CDK19: variants seen among roughly 807,000 people sequenced by gnomAD.
The protein encoded by CDK19 is cyclin-dependent kinase 19.
In CDK19, 20 loss-of-function variants were observed where a neutral mutation model predicts 68.3. That is an observed-to-expected ratio of 0.29 (90% CI 0.21 to 0.43). The LOEUF is 0.43. Among genes scored for constraint, CDK19 ranks in the 20% least tolerant of loss-of-function variants. CDK19 has a pLI of 1.00. For missense variants in CDK19, 339 were observed against 623.5 expected (o/e 0.54, Z 4.86); for synonymous variants, 221 against 222.8 (o/e 0.99, Z 0.07).
intron 4 of CDK19, among the ~76,000 whole-genome samples, chr6:110,641,000 G>A (rs140577636): frequency 2.0e-5 from 3 of 152,142 alleles, no homozygotes; most frequent in Non-Finnish European, 4.4e-5. Context: ...AATGTGAAAT[G>A]CCTAAGTCAT....
At chr6:110,626,682 GGAGA>G in intron 8 of CDK19, 90 bp downstream of exon 8, 1 of 760,748 alleles carries the variant, frequency 1.3e-6, no homozygotes, top group Non-Finnish European at 2.1e-6. Flanking sequence ...TCAAGGACTG[GGAGA>G]AAACAAATTC....
At chr6:110,752,502 GATA>G (rs1778540423) in intron 1 of CDK19, among the ~76,000 whole-genome samples, 1 of 152,112 alleles carries the variant, frequency 6.6e-6, no homozygotes, top group Non-Finnish European at 1.5e-5. Context: ...AATGATGTCA[GATA>G]ATACTAGCAC....
chr6:110,626,347 T>G lies in CDK19; in HGVS notation c.860+429A>C, dbSNP rs115920684. ...AATCTACATCTGTTTTTTAAAAAGATTAATTTAACTATTCTCATTGAAATT... is the reference window on the plus strand; with the variant it reads ...AATCTACATCTGTTTTTTAAAAAGAGTAATTTAACTATTCTCATTGAAATT... On this transcript the variant is annotated intron_variant, in intron 8 of 12. Coordinates refer to ENST00000368911, the MANE Select transcript of CDK19 (RefSeq NM_015076.5). Among the ~76,000 whole-genome samples the G allele has an allele frequency of 7.6e-3, 1,155 of 152,316 alleles. 14 individuals carry two copies. The highest frequency in any genetic ancestry group is 0.027 in the African/African-American group (1,103 of 41,562).
chr6:110,776,576 C>T (rs1227282318), intron 1 of CDK19, among the ~76,000 whole-genome samples: 1 of 152,166 alleles, frequency 6.6e-6, no homozygotes, highest in Non-Finnish European at 1.5e-5. Flanking sequence ...AAATGGCAGC[C>T]AGAAGAGCAC....
intron 4 of CDK19, among the ~76,000 whole-genome samples, chr6:110,662,447 G>A (rs185312113): frequency 6.6e-6 from 1 of 152,158 alleles, no homozygotes; most frequent in Admixed American, 6.5e-5. Flanking sequence ...GCAAGATTCT[G>A]AAATGAAGGA....
At chr6:110,627,602 C>T (rs772227884) in intron 6 of CDK19, among the ~76,000 whole-genome samples, 11 of 152,100 alleles carry the variant, frequency 7.2e-5, no homozygotes, top group Non-Finnish European at 1.5e-4. Context: ...CCTTGACCTC[C>T]TGGGCTCAAG....
intron 10 of CDK19, among the ~76,000 whole-genome samples, chr6:110,622,394 A>G (rs1234065086): frequency 6.6e-6 from 1 of 152,196 alleles, no homozygotes; most frequent in African/African-American, 2.4e-5. Context: ...TTGCCTTAAC[A>G]AGAAAAACTA....
intron 1 of CDK19, among the ~76,000 whole-genome samples, chr6:110,787,739 G>A (rs79695698): frequency 0.021 from 3,159 of 152,290 alleles, 94 homozygotes; most frequent in African/African-American, 0.073. Context: ...CATGACACCT[G>A]GCAGGTTTTG....
At chr6:110,745,376 T>A (rs531739908) in intron 2 of CDK19, among the ~76,000 whole-genome samples, 1 of 152,274 alleles carries the variant, frequency 6.6e-6, no homozygotes, top group South Asian at 2.1e-4. Flanking sequence ...AACTATTTTC[T>A]TTAAGGGATT....
intron 1 of CDK19, among the ~76,000 whole-genome samples, chr6:110,771,183 C>G (rs563131939): frequency 6.6e-6 from 1 of 152,236 alleles, no homozygotes; most frequent in Non-Finnish European, 1.5e-5. Flanking sequence ...TCCAACCCCA[C>G]ATTTCCCTTC....
chr6:110,692,144 A>C (rs1358384721), intron 2 of CDK19, among the ~76,000 whole-genome samples: 25 of 151,634 alleles, frequency 1.6e-4, no homozygotes, highest in Non-Finnish European at 5.9e-5. Context: ...AAATACAAAA[A>C]TTAGCTGGGC....
intron 4 of CDK19, among the ~76,000 whole-genome samples, chr6:110,648,391 T>C (rs1780743483): frequency 6.6e-6 from 1 of 152,140 alleles, no homozygotes; most frequent in Non-Finnish European, 1.5e-5. Flanking sequence ...ACTGTTTTTC[T>C]ATATACCAGG....
At chr6:110,706,401 G>GTTTTTTTT (rs71021807) in intron 2 of CDK19, 1 of 61,766 alleles carries the variant, frequency 1.6e-5, no homozygotes, top group Non-Finnish European at 3.5e-5. Context: ...GGGTAACACT[G>GTTTTTTTT]TTGTTTTTTT....
chr6:110,626,189 AC>A (rs1445740347), intron 8 of CDK19, among the ~76,000 whole-genome samples: 1 of 152,070 alleles, frequency 6.6e-6, no homozygotes, highest in African/African-American at 2.4e-5. Context: ...CTACCTATTG[AC>A]CCTTAAATTC....
intron 2 of CDK19, among the ~76,000 whole-genome samples, chr6:110,745,128 A>C (rs998868662): frequency 6.6e-6 from 1 of 152,204 alleles, no homozygotes; most frequent in Admixed American, 6.5e-5. Context: ...GAAGAACTAA[A>C]ATAAGGTAAT....
At position 110,815,239 on chromosome 6, in the gene CDK19, TCTCGCGCGCGCGCGCGCGCCG is replaced by T; in HGVS notation, c.-124_-104del. 1 of 1,148,834 alleles carries T rather than the reference TCTCGCGCGCGCGCGCGCGCCG, an allele frequency of 8.7e-7. No homozygotes were observed. The allele number at this position is 1,148,834 out of a possible 1,614,324, so 71.2% of individuals were successfully genotyped here. On this transcript the variant is annotated 5_prime_UTR_variant, in exon 1 of 13. Transcript: ENST00000368911. ...CCGCTCCACTTCTCCAACAGCCGCC[TCTCGCGCGCGCGCGCGCGCCG>T]CCCGCCGCCCGCCGCTCCGCGGTCC...
At chr6:110,652,457 A>G (rs574660217) in intron 4 of CDK19, among the ~76,000 whole-genome samples, 11 of 152,378 alleles carry the variant, frequency 7.2e-5, no homozygotes, top group African/African-American at 2.6e-4. Context: ...TCTAGGGGAC[A>G]TAACAATTTT....
At chr6:110,724,693 T>A (rs1776194745) in intron 2 of CDK19, among the ~76,000 whole-genome samples, 1 of 152,092 alleles carries the variant, frequency 6.6e-6, no homozygotes, top group Non-Finnish European at 1.5e-5. Flanking sequence ...AGAAAAAACA[T>A]AGAAGACTTG....
chr6:110,709,009 G>T (rs143178919), intron 2 of CDK19, among the ~76,000 whole-genome samples: 3,165 of 152,254 alleles, frequency 0.021, 96 homozygotes, highest in African/African-American at 0.073. Flanking sequence ...TCCTTGGGAT[G>T]CAAGGCTGGT....
Sources: allele counts gnomAD v4.1 joint callset (sites outside exome capture counted in the v4.1 genomes callset), GRCh38; gene constraint gnomAD v4.1.1; transcripts MANE v1.5; gene names NCBI Gene and HGNC (gene_info 2026-07-23, HGNC 2026-07-21).